KCNIP4: variants seen among roughly 807,000 people sequenced by gnomAD.
KCNIP4 encodes the protein potassium voltage-gated channel interacting protein 4.
Under a neutral mutation model 34.0 loss-of-function variants are expected in KCNIP4, and 12 were observed. The observed-to-expected ratio is 0.35, with a 90% CI of 0.23 to 0.57. The LOEUF is 0.57. KCNIP4 is among the 20% of genes least tolerant of loss of function. The pLI is 0.83. For synonymous variants in KCNIP4, 124 were observed against 102.2 expected, an observed-to-expected ratio of 1.21 and a Z score of -1.29; for missense variants, 238 against 311.7, an observed-to-expected ratio of 0.76 and a Z score of 1.78.
intron 1 of KCNIP4, among the ~76,000 whole-genome samples, chr4:21,899,675 T>C (rs1727598666): frequency 1.3e-5 from 2 of 151,972 alleles, no homozygotes; most frequent in Admixed American, 1.3e-4. Flanking sequence ...TTAAAAAAAG[T>C]AATCCCATTT....
In KCNIP4 at chr4:21,559,148, T is replaced by A. The variant is rs190627964; in HGVS notation, c.61+389423A>T. Among the ~76,000 whole-genome samples the A allele has an allele frequency of 1.4e-4, 22 of 152,194 alleles. No individual in the cohort carries two copies. The Middle Eastern group carries it at 0.01, about 71-fold the overall frequency. On this transcript the variant is annotated intron_variant, in intron 1 of 8. Transcript: ENST00000382152. ...GGATATTAACAGCCACCTGAATAAG[T>A]CTATTTATGACCAAATGGAATGAAT...
Position 21,948,720 on chromosome 4 carries a change from C to G in KCNIP4, c.-89G>C, listed in dbSNP as rs1730643937. 1.4e-6 allele frequency: 2 copies of G among 1,411,364 alleles called. No homozygotes were observed. The highest frequency in any genetic ancestry group is 5.7e-5 in the East Asian group (2 of 35,172). 87.4% of individuals were successfully genotyped at this position (1,411,364 alleles called of 1,614,324 possible). Reference sequence around the variant, plus strand: ...GGGTCTGCACGGGAGCGCACCGCCGCTCGGCCCGGGGGCGTCCGTGGCGCT... The same window carrying G: ...GGGTCTGCACGGGAGCGCACCGCCGGTCGGCCCGGGGGCGTCCGTGGCGCT... On this transcript the variant is annotated 5_prime_UTR_variant, in exon 1 of 9. Transcript: ENST00000382152.
chr4:21,787,831 T>C (rs1452379626), intron 1 of KCNIP4, among the ~76,000 whole-genome samples: 1 of 152,194 alleles, frequency 6.6e-6, no homozygotes, highest in Non-Finnish European at 1.5e-5. Flanking sequence ...CATTAGACAT[T>C]GATTCTCTGC....
chr4:20,960,487 C>A, intron 1 of KCNIP4, among the ~76,000 whole-genome samples: 1 of 152,196 alleles, frequency 6.6e-6, no homozygotes, highest in East Asian at 1.9e-4. Flanking sequence ...GGCTCTTGTT[C>A]CTGCTCTGCC....
intron 1 of KCNIP4, among the ~76,000 whole-genome samples, chr4:21,721,450 A>T (rs1288204736): frequency 6.6e-6 from 1 of 152,230 alleles, no homozygotes. Flanking sequence ...TCAAGTAAAA[A>T]TGAACATTAA....
At chr4:20,734,942 C>T (rs1341747203) in intron 5 of KCNIP4, among the ~76,000 whole-genome samples, 1 of 152,096 alleles carries the variant, frequency 6.6e-6, no homozygotes, top group Non-Finnish European at 1.5e-5. Context: ...TAATTGGAAA[C>T]TGAGTTAAAT....
At chr4:21,471,524 T>C (rs1730469671) in intron 1 of KCNIP4, among the ~76,000 whole-genome samples, 1 of 152,230 alleles carries the variant, frequency 6.6e-6, no homozygotes, top group Admixed American at 6.5e-5. Flanking sequence ...CATGATTATA[T>C]AAATGGAGCT....
intron 1 of KCNIP4, among the ~76,000 whole-genome samples, chr4:20,898,500 T>C (rs1726805077): frequency 6.6e-6 from 1 of 152,196 alleles, no homozygotes; most frequent in Non-Finnish European, 1.5e-5. Context: ...TTCCCATGTA[T>C]ATCAGGACAT....
At position 20,734,602 on chromosome 4, in the gene KCNIP4, T is replaced by A. The variant is rs542467288; in HGVS notation, c.537+26A>T. The stretch of plus-strand genomic sequence containing the variant: ...AAGAAATGAAAATGGTCCAAATTAC[T>A]GTGATGTTGGTGAGGCATCCCTTAC... On this transcript the variant is annotated intron_variant, in intron 6 of 8. Coordinates refer to ENST00000382152, the MANE Select transcript of KCNIP4 (RefSeq NM_025221.6). 21 of 1,011,212 alleles carry A rather than the reference T, an allele frequency of 2.1e-5. No homozygotes were observed. In the East Asian group the frequency reaches 4.8e-4, roughly 23 times the overall value. 62.6% of individuals were successfully genotyped at this position (1,011,212 alleles called of 1,614,324 possible).
chr4:21,403,779 C>A (rs1327609300), intron 1 of KCNIP4, among the ~76,000 whole-genome samples: 1 of 152,150 alleles, frequency 6.6e-6, no homozygotes, highest in Non-Finnish European at 1.5e-5. Flanking sequence ...GCTCTCCTTC[C>A]AAGAGGGTGC....
intron 1 of KCNIP4, among the ~76,000 whole-genome samples, chr4:21,137,942 G>T (rs1751638196): frequency 7.3e-6 from 1 of 137,588 alleles, no homozygotes; most frequent in Admixed American, 7.9e-5. Context: ...TATGACCTCA[G>T]CTCACTGCAA....
At chr4:21,484,846 T>C (rs1280303778) in intron 1 of KCNIP4, among the ~76,000 whole-genome samples, 2 of 152,172 alleles carry the variant, frequency 1.3e-5, no homozygotes, top group African/African-American at 2.4e-5. Flanking sequence ...TATTTACTCA[T>C]CTGACTCCTT....
At chr4:21,353,379 C>A (rs939877052) in intron 1 of KCNIP4, among the ~76,000 whole-genome samples, 4 of 151,996 alleles carry the variant, frequency 2.6e-5, no homozygotes, top group African/African-American at 9.7e-5. Context: ...TAACCCATTG[C>A]AAGGAAGGTA....
chr4:20,921,918 T>C (rs1729423989), intron 1 of KCNIP4, among the ~76,000 whole-genome samples: 1 of 152,244 alleles, frequency 6.6e-6, no homozygotes, highest in East Asian at 1.9e-4. Context: ...ATTTATGACA[T>C]CCATAACTAT....
chr4:21,067,888 T>C (rs952482868), intron 1 of KCNIP4, among the ~76,000 whole-genome samples: 1 of 152,226 alleles, frequency 6.6e-6, no homozygotes, highest in African/African-American at 2.4e-5. Context: ...TCAACATAAA[T>C]ATTATCAAGC....
chr4:20,831,854 G>A (rs1389515326), intron 3 of KCNIP4, among the ~76,000 whole-genome samples: 1 of 152,134 alleles, frequency 6.6e-6, no homozygotes, highest in African/African-American at 2.4e-5. Context: ...GTTGTGTGTG[G>A]TGCTTAAAAC....
chr4:21,241,725 G>A (rs1025439129), intron 1 of KCNIP4, among the ~76,000 whole-genome samples: 32 of 152,130 alleles, frequency 2.1e-4, no homozygotes, highest in African/African-American at 6.8e-4. Flanking sequence ...TTTGTTTAAA[G>A]CTCTGAGTGG....
chr4:21,251,945 G>A (rs1760729873), intron 1 of KCNIP4, among the ~76,000 whole-genome samples: 1 of 151,118 alleles, frequency 6.6e-6, no homozygotes, highest in Non-Finnish European at 1.5e-5. Flanking sequence ...ACACCAGCAT[G>A]GCACATGTAT....
chr4:20,978,072 A>G (rs1362750350), intron 1 of KCNIP4, among the ~76,000 whole-genome samples: 6 of 152,206 alleles, frequency 3.9e-5, no homozygotes, highest in Admixed American at 1.3e-4. Flanking sequence ...TACAGAATTG[A>G]AAGTGTTGCT....
Sources: gnomAD v4.1 joint callset for allele counts (sites outside exome capture counted in the v4.1 genomes callset) on GRCh38, gnomAD v4.1.1 for gene constraint, MANE v1.5 for transcripts, NCBI Gene and HGNC (gene_info 2026-07-23, HGNC 2026-07-21) for gene names.